The following PRDM5 variants were observed in gnomAD, a reference collection of about 807,000 sequenced individuals.
PRDM5 encodes the protein PR domain zinc finger protein 5.
In PRDM5, 56 loss-of-function variants were observed where a neutral mutation model predicts 81.2. The observed-to-expected ratio is 0.69, with a 90% CI of 0.56 to 0.86. The LOEUF is 0.86. Among genes scored for constraint, PRDM5 ranks in the 40% least tolerant of loss-of-function variants. The pLI is 0.00. For synonymous variants in PRDM5, 267 were observed against 256.4 expected, an observed-to-expected ratio of 1.04 and a Z score of -0.39; for missense variants, 697 against 770.1, an observed-to-expected ratio of 0.91 and a Z score of 1.12.
chr4:120,869,927 C>T (rs951119429), intron 2 of PRDM5, among the ~76,000 whole-genome samples: 2 of 151,734 alleles, frequency 1.3e-5, no homozygotes. Context: ...TTAAAGTCTG[C>T]CAAAGTCTAC....
At chr4:120,771,673 T>C (rs185885801) in intron 13 of PRDM5, among the ~76,000 whole-genome samples, 1 of 152,184 alleles carries the variant, frequency 6.6e-6, no homozygotes, top group Admixed American at 6.5e-5. Flanking sequence ...CAATTTAAGA[T>C]CTTGATAAAG....
At chr4:120,910,213 A>G in intron 1 of PRDM5, among the ~76,000 whole-genome samples, 1 of 152,202 alleles carries the variant, frequency 6.6e-6, no homozygotes, top group East Asian at 1.9e-4. Context: ...ATTTCTTCAA[A>G]GTACCTTACC....
At chr4:120,710,465 A>G in intron 14 of PRDM5, 52 bp from the exon 15 acceptor site, 1 of 1,370,200 alleles carries the variant, frequency 7.3e-7, no homozygotes. Flanking sequence ...GAATGAATGC[A>G]GAGTCCTCCA....
intron 1 of PRDM5, among the ~76,000 whole-genome samples, chr4:120,919,048 C>T (rs1270819114): frequency 6.6e-6 from 1 of 152,188 alleles, no homozygotes; most frequent in Non-Finnish European, 1.5e-5. Context: ...CAGGCTGGCT[C>T]TCTGCACTTC....
At chr4:120,918,998 A>G (rs1724563131) in intron 1 of PRDM5, among the ~76,000 whole-genome samples, 1 of 152,228 alleles carries the variant, frequency 6.6e-6, no homozygotes, top group Non-Finnish European at 1.5e-5. Context: ...GCCAAAGCCC[A>G]GAGACAGGCA....
At chr4:120,877,914 A>G (rs2148568998) in intron 2 of PRDM5, among the ~76,000 whole-genome samples, 1 of 152,246 alleles carries the variant, frequency 6.6e-6, no homozygotes, top group Non-Finnish European at 1.5e-5. Flanking sequence ...TACTGGCCAC[A>G]CAACAAAGAT....
At chr4:120,857,637 T>C (rs1760039185) in intron 2 of PRDM5, among the ~76,000 whole-genome samples, 1 of 152,176 alleles carries the variant, frequency 6.6e-6, no homozygotes. Flanking sequence ...TCATAGTTGA[T>C]TTTGTGTTTC....
intron 13 of PRDM5, among the ~76,000 whole-genome samples, chr4:120,758,845 T>C (rs1440031302): frequency 6.6e-6 from 1 of 151,624 alleles, no homozygotes; most frequent in Non-Finnish European, 1.5e-5. Flanking sequence ...AAGCCCTGCC[T>C]CCCGGGTTCA....
intron 2 of PRDM5, among the ~76,000 whole-genome samples, chr4:120,858,990 C>T (rs919341308): frequency 3.9e-5 from 6 of 152,112 alleles, no homozygotes; most frequent in Non-Finnish European, 5.9e-5. Flanking sequence ...GATCACTTGA[C>T]CTCTAAAATG....
intron 14 of PRDM5, among the ~76,000 whole-genome samples, chr4:120,752,863 TAA>T (rs1578597011): frequency 6.6e-6 from 1 of 152,198 alleles, no homozygotes; most frequent in African/African-American, 2.4e-5. Flanking sequence ...TGTGAAGGCC[TAA>T]AAGAGTACTG....
chr4:120,909,099 T>C (rs1766182695), intron 1 of PRDM5, among the ~76,000 whole-genome samples: 1 of 152,142 alleles, frequency 6.6e-6, no homozygotes, highest in Admixed American at 6.5e-5. Context: ...ATTTAACAAC[T>C]AAGAAAATTG....
chr4:120,761,761 T>G (rs1426705188), intron 13 of PRDM5, among the ~76,000 whole-genome samples: 1 of 152,206 alleles, frequency 6.6e-6, no homozygotes, highest in Non-Finnish European at 1.5e-5. Context: ...TTAATCTTGA[T>G]AATCTTAAAT....
intron 10 of PRDM5, among the ~76,000 whole-genome samples, chr4:120,794,900 A>G (rs780843263): frequency 5.9e-5 from 9 of 152,330 alleles, no homozygotes; most frequent in Admixed American, 2.0e-4. Context: ...TGCTGGGATT[A>G]CAGGCATGAG....
chr4:120,836,431 A>G (rs1317095136), intron 3 of PRDM5, among the ~76,000 whole-genome samples: 2 of 152,212 alleles, frequency 1.3e-5, no homozygotes, highest in Non-Finnish European at 2.9e-5. Context: ...AAGATCAAGT[A>G]TAAAACAGGA....
chr4:120,805,985 A>G (rs1373728333), intron 8 of PRDM5, among the ~76,000 whole-genome samples: 1 of 152,210 alleles, frequency 6.6e-6, no homozygotes, highest in Non-Finnish European at 1.5e-5. Context: ...TTAAGCTAAT[A>G]AGCAACTTCA....
chr4:120,908,806 G>A (rs1032135097), intron 1 of PRDM5, among the ~76,000 whole-genome samples: 1 of 152,176 alleles, frequency 6.6e-6, no homozygotes, highest in Admixed American at 6.5e-5. Flanking sequence ...TTAATACAAA[G>A]TTTAGACAGC....
At chr4:120,862,772 G>C (rs1034607925) in intron 2 of PRDM5, among the ~76,000 whole-genome samples, 3 of 152,126 alleles carry the variant, frequency 2.0e-5, no homozygotes, top group Non-Finnish European at 4.4e-5. Flanking sequence ...GCATCTATGA[G>C]TTTCTAATAA....
intron 14 of PRDM5, among the ~76,000 whole-genome samples, chr4:120,728,747 T>C (rs1296436475): frequency 6.6e-6 from 1 of 152,140 alleles, no homozygotes; most frequent in Non-Finnish European, 1.5e-5. Flanking sequence ...TATTTTAAAA[T>C]GCTCTAGAAA....
chr4:120,793,181 T>C (rs1039480436), intron 10 of PRDM5, among the ~76,000 whole-genome samples: 2 of 152,112 alleles, frequency 1.3e-5, no homozygotes, highest in Non-Finnish European at 2.9e-5. Flanking sequence ...GAGCCCCACC[T>C]CCTGTGAGAT....
Sources: gnomAD v4.1 joint callset for allele counts (sites outside exome capture counted in the v4.1 genomes callset) on GRCh38, gnomAD v4.1.1 for gene constraint, MANE v1.5 for transcripts, NCBI Gene and HGNC (gene_info 2026-07-23, HGNC 2026-07-21) for gene names.